SLC25A21: variants seen among roughly 807,000 people sequenced by gnomAD.
SLC25A21 encodes the protein solute carrier family 25 member 21, also known as mitochondrial 2-oxodicarboxylate carrier.
SLC25A21 carries 47 observed loss-of-function variants against 43.8 expected under a neutral mutation model. The ratio of observed to expected loss-of-function variants is 1.07; its 90% confidence interval spans 0.85 to 1.37. SLC25A21 has a LOEUF of 1.37. SLC25A21 is among the 40% of genes most tolerant of loss of function. The pLI is 0.00. For synonymous variants in SLC25A21, 131 were observed against 121.3 expected (o/e 1.08, Z -0.52); for missense variants, 352 against 350.2 (o/e 1.00, Z -0.04).
chr14:37,126,555 G>A (rs905608067), intron 1 of SLC25A21, among the ~76,000 whole-genome samples: 1 of 151,270 alleles, frequency 6.6e-6, no homozygotes, highest in Non-Finnish European at 1.5e-5. Flanking sequence ...TTGTTACAAG[G>A]AGTTATGTAT....
intron 1 of SLC25A21, among the ~76,000 whole-genome samples, chr14:36,945,947 CA>C (rs1892670863): frequency 6.9e-6 from 1 of 145,706 alleles, no homozygotes; most frequent in Non-Finnish European, 1.5e-5. Context: ...TTTCACCATT[CA>C]AAGTCCAAAA....
chr14:36,846,383 T>C (rs952094520), intron 2 of SLC25A21, among the ~76,000 whole-genome samples: 1 of 152,152 alleles, frequency 6.6e-6, no homozygotes, highest in Non-Finnish European at 1.5e-5. Context: ...ATTATTTCTA[T>C]AGCAAGCCAG....
chr14:37,004,293 A>G (rs980386761), intron 1 of SLC25A21, among the ~76,000 whole-genome samples: 3 of 152,096 alleles, frequency 2.0e-5, no homozygotes, highest in African/African-American at 7.3e-5. Flanking sequence ...GTGCTTGGGG[A>G]AAAAAACTAT....
At chr14:36,943,286 G>C (rs866573514) in intron 1 of SLC25A21, among the ~76,000 whole-genome samples, 1 of 152,080 alleles carries the variant, frequency 6.6e-6, no homozygotes, top group African/African-American at 2.4e-5. Flanking sequence ...CTGCCTCCCG[G>C]GTTCAAGTGA....
intron 7 of SLC25A21, among the ~76,000 whole-genome samples, chr14:36,693,511 AT>A (rs1882882565): frequency 6.6e-6 from 1 of 152,246 alleles, no homozygotes; most frequent in Non-Finnish European, 1.5e-5. Context: ...TGAATGTAAA[AT>A]TTTGAATTTA....
chr14:37,083,297 A>G (rs1371207694), intron 1 of SLC25A21, among the ~76,000 whole-genome samples: 1 of 152,192 alleles, frequency 6.6e-6, no homozygotes, highest in African/African-American at 2.4e-5. Context: ...TTGATACACT[A>G]TTCTAGGGTA....
chr14:37,015,826 T>C (rs1362369910), intron 1 of SLC25A21, among the ~76,000 whole-genome samples: 1 of 152,230 alleles, frequency 6.6e-6, no homozygotes, highest in Non-Finnish European at 1.5e-5. Context: ...GTTTTTTGGC[T>C]GCATAAATGT....
At chr14:36,992,059 G>T (rs1353864890) in intron 1 of SLC25A21, among the ~76,000 whole-genome samples, 1 of 152,180 alleles carries the variant, frequency 6.6e-6, no homozygotes, top group East Asian at 1.9e-4. Context: ...TAACATAAAT[G>T]ATTTATTTAG....
intron 2 of SLC25A21, among the ~76,000 whole-genome samples, chr14:36,867,322 C>T (rs560615113): frequency 1.0e-3 from 155 of 152,256 alleles, no homozygotes; most frequent in African/African-American, 3.7e-3. Flanking sequence ...GAAGACGACA[C>T]AATGAAGACT....
chr14:36,716,906 G>A (rs561259356), intron 6 of SLC25A21, among the ~76,000 whole-genome samples: 9 of 152,138 alleles, frequency 5.9e-5, no homozygotes, highest in East Asian at 1.9e-4. Flanking sequence ...AAGAAAGCAC[G>A]CTCCACATGC....
chr14:37,151,416 T>C (rs1963756997), intron 1 of SLC25A21, among the ~76,000 whole-genome samples: 2 of 152,240 alleles, frequency 1.3e-5, no homozygotes. Flanking sequence ...TGCTGGTTAA[T>C]ATGGAGAATT....
intron 4 of SLC25A21, among the ~76,000 whole-genome samples, chr14:36,731,112 A>C (rs1233412459): frequency 1.3e-5 from 2 of 151,690 alleles, no homozygotes; most frequent in Non-Finnish European, 2.9e-5. Context: ...AGCTGGGACT[A>C]CAGGCGCCCG....
intron 2 of SLC25A21, among the ~76,000 whole-genome samples, chr14:36,836,881 G>T (rs1889227699): frequency 6.6e-6 from 1 of 152,100 alleles, no homozygotes; most frequent in African/African-American, 2.4e-5. Flanking sequence ...GAGAAAATCA[G>T]ATCAGAGGAA....
intron 7 of SLC25A21, among the ~76,000 whole-genome samples, chr14:36,696,203 A>G (rs1226089112): frequency 4.6e-5 from 7 of 152,158 alleles, no homozygotes; most frequent in Non-Finnish European, 1.5e-5. Context: ...TATGTGATGG[A>G]TTATGTTTAT....
At chr14:36,905,310 G>A (rs1891505587) in intron 1 of SLC25A21, among the ~76,000 whole-genome samples, 1 of 152,212 alleles carries the variant, frequency 6.6e-6, no homozygotes, top group Admixed American at 6.6e-5. Context: ...GGCCATTTGG[G>A]TTAGAGTGAG....
intron 3 of SLC25A21, among the ~76,000 whole-genome samples, chr14:36,738,757 T>C (rs776581975): frequency 6.6e-6 from 1 of 152,210 alleles, no homozygotes; most frequent in Non-Finnish European, 1.5e-5. Flanking sequence ...AAGGTGTGAG[T>C]TTGATTTTAA....
intron 1 of SLC25A21, among the ~76,000 whole-genome samples, chr14:36,923,985 C>T (rs1892055151): frequency 6.6e-6 from 1 of 152,164 alleles, no homozygotes; most frequent in Non-Finnish European, 1.5e-5. Flanking sequence ...GATACCATCT[C>T]ACACCAGTTA....
intron 1 of SLC25A21, among the ~76,000 whole-genome samples, chr14:37,114,065 G>C (rs1395000478): frequency 1.3e-5 from 2 of 152,020 alleles, no homozygotes; most frequent in East Asian, 3.9e-4. Flanking sequence ...AAAATGTATA[G>C]CATGTTCTGA....
chr14:37,105,704 T>C (rs1335252914), intron 1 of SLC25A21, among the ~76,000 whole-genome samples: 1 of 152,104 alleles, frequency 6.6e-6, no homozygotes, highest in Non-Finnish European at 1.5e-5. Context: ...AGATCACTTA[T>C]CATAAAGAAA....
Sources: gnomAD v4.1 joint callset for allele counts (sites outside exome capture counted in the v4.1 genomes callset) on GRCh38, gnomAD v4.1.1 for gene constraint, MANE v1.5 for transcripts, NCBI Gene and HGNC (gene_info 2026-07-23, HGNC 2026-07-21) for gene names.